The following DAB1 variants were observed in gnomAD, a reference collection of about 807,000 sequenced individuals.
The protein encoded by DAB1 is DAB adaptor protein 1, also known as disabled homolog 1.
A neutral mutation model predicts 64.6 loss-of-function variants in DAB1; 15 were observed. The ratio of observed to expected loss-of-function variants is 0.23; its 90% CI spans 0.16 to 0.36. The LOEUF is 0.36. DAB1 is among the 10% of genes least tolerant of loss of function. The probability of loss-of-function intolerance (pLI) is 1.00; values close to 1 mark genes in which losing one functional copy is unlikely to be tolerated. For synonymous variants in DAB1, 235 were observed against 251.9 expected, an observed-to-expected ratio of 0.93 and a Z score of 0.64; for missense variants, 596 against 706.7, an observed-to-expected ratio of 0.84 and a Z score of 1.78.
intron 3 of DAB1, among the ~76,000 whole-genome samples, chr1:58,361,412 A>G (rs999851131): frequency 6.6e-6 from 1 of 152,188 alleles, no homozygotes; most frequent in African/African-American, 2.4e-5. Flanking sequence ...CTATCATGCA[A>G]TGACCCACAT....
At chr1:58,542,094 T>C (rs1007742522) in intron 1 of DAB1, among the ~76,000 whole-genome samples, 1 of 152,250 alleles carries the variant, frequency 6.6e-6, no homozygotes, top group African/African-American at 2.4e-5. Context: ...AATTCATACA[T>C]CCTGCCCTTG....
intron 4 of DAB1, among the ~76,000 whole-genome samples, chr1:58,186,873 G>A (rs1292892665): frequency 6.6e-6 from 1 of 152,198 alleles, no homozygotes; most frequent in Non-Finnish European, 1.5e-5. Context: ...AGAGGACCAA[G>A]AGTACAACTG....
intron 4 of DAB1, among the ~76,000 whole-genome samples, chr1:58,244,976 C>T (rs1041097694): frequency 1.8e-4 from 28 of 152,154 alleles, no homozygotes; most frequent in African/African-American, 6.5e-4. Flanking sequence ...ACAAATTATC[C>T]CAACACCAAG....
At chr1:57,048,274 A>G (rs1648786256) in intron 9 of DAB1, among the ~76,000 whole-genome samples, 1 of 152,174 alleles carries the variant, frequency 6.6e-6, no homozygotes, top group Non-Finnish European at 1.5e-5. Context: ...CTCTATATCA[A>G]AGACAAAAGT....
At chr1:58,182,574 GC>G (rs1345891399) in intron 4 of DAB1, among the ~76,000 whole-genome samples, 1 of 151,810 alleles carries the variant, frequency 6.6e-6, no homozygotes, top group African/African-American at 2.4e-5. Flanking sequence ...CTGCTGTTGA[GC>G]CCCTTGAGTA....
intron 4 of DAB1, among the ~76,000 whole-genome samples, chr1:58,185,028 T>C (rs1478687207): frequency 1.3e-5 from 2 of 152,200 alleles, no homozygotes; most frequent in South Asian, 2.1e-4. Flanking sequence ...AGGTTCTTTA[T>C]TGCTTTCTCA....
At chr1:58,160,064 G>C (rs753420717) in intron 4 of DAB1, among the ~76,000 whole-genome samples, 6 of 151,974 alleles carry the variant, frequency 3.9e-5, no homozygotes, top group Non-Finnish European at 7.4e-5. Flanking sequence ...ACAAAAGTAA[G>C]CTATATTGCC....
At chr1:57,170,095 C>T (rs1661595878) in intron 2 of DAB1, among the ~76,000 whole-genome samples, 1 of 151,736 alleles carries the variant, frequency 6.6e-6, no homozygotes, top group Non-Finnish European at 1.5e-5. Context: ...ATCCCAGGTT[C>T]AAGCGATTCT....
intron 1 of DAB1, among the ~76,000 whole-genome samples, chr1:57,856,271 C>G (rs998080523): frequency 1.3e-5 from 2 of 152,110 alleles, no homozygotes; most frequent in Non-Finnish European, 2.9e-5. Context: ...CTCAGAGAAG[C>G]AGGATGCTTC....
chr1:57,674,898 T>A (rs555060005), intron 6 of DAB1, among the ~76,000 whole-genome samples: 8 of 152,286 alleles, frequency 5.3e-5, no homozygotes, highest in African/African-American at 1.9e-4. Flanking sequence ...AATCAGCAAA[T>A]AATCCATTGG....
intron 2 of DAB1, among the ~76,000 whole-genome samples, chr1:57,288,408 C>T (rs184810698): frequency 1.3e-5 from 2 of 152,140 alleles, no homozygotes; most frequent in East Asian, 3.9e-4. Context: ...ACCCCAGTGG[C>T]ATGGTGTTTG....
chr1:57,442,475 T>C (rs183900048), intron 7 of DAB1, among the ~76,000 whole-genome samples: 1 of 152,282 alleles, frequency 6.6e-6, no homozygotes, highest in African/African-American at 2.4e-5. Context: ...ATAGTGACCT[T>C]GGCCATGCCA....
intron 3 of DAB1, among the ~76,000 whole-genome samples, chr1:58,375,517 C>T (rs1253485256): frequency 3.5e-4 from 51 of 145,220 alleles, no homozygotes; most frequent in Non-Finnish European, 7.0e-4. Context: ...AGCCTTGCAT[C>T]CCAGGGATGA....
rs188835758 is a variant in DAB1 at position 57,332,119 on chromosome 1, A to G, written c.-136-40953T>C. 8.5e-3 allele frequency among the ~76,000 whole-genome samples: 1,295 copies of G among 152,210 alleles called. 13 individuals carry two copies. The highest frequency in any genetic ancestry group is 0.041 in the Middle Eastern group (12 of 292). On this transcript the variant is annotated intron_variant, in intron 1 of 14. Transcript: ENST00000371236. ...GCTGGGACTACAGGCCCACACCACC[A>G]TGCCTGGCTAATTTTTGTATTTTTA...
intron 3 of DAB1, among the ~76,000 whole-genome samples, chr1:58,393,965 T>C (rs1048699902): frequency 5.3e-5 from 8 of 152,160 alleles, no homozygotes; most frequent in Admixed American, 2.6e-4. Flanking sequence ...TTTCAAAACA[T>C]CATGTCATGC....
At chr1:58,219,552 T>C (rs572707927) in intron 4 of DAB1, among the ~76,000 whole-genome samples, 10 of 152,292 alleles carry the variant, frequency 6.6e-5, no homozygotes, top group African/African-American at 1.2e-4. Flanking sequence ...CTCTAAAGCA[T>C]TGGGCACTTT....
chr1:57,897,783 G>A (rs1019955843), intron 5 of DAB1, among the ~76,000 whole-genome samples: 1 of 152,148 alleles, frequency 6.6e-6, no homozygotes, highest in Non-Finnish European at 1.5e-5. Context: ...TAGTAACAGT[G>A]CAACCACTTC....
chr1:57,144,968 A>C (rs908358533), intron 3 of DAB1, among the ~76,000 whole-genome samples: 1 of 152,170 alleles, frequency 6.6e-6, no homozygotes, highest in Non-Finnish European at 1.5e-5. Context: ...AAAATTCATA[A>C]AATGTGGGTG....
upstream of DAB1, among the ~76,000 whole-genome samples, chr1:57,426,926 C>T (rs1222557453): frequency 1.3e-5 from 2 of 150,764 alleles, no homozygotes; most frequent in South Asian, 2.1e-4. Flanking sequence ...TGCAGTGGCG[C>T]GATCTCGGCT....
Sources: allele counts gnomAD v4.1 joint callset (sites outside exome capture counted in the v4.1 genomes callset), GRCh38; gene constraint gnomAD v4.1.1; transcripts MANE v1.5; gene names NCBI Gene and HGNC (gene_info 2026-07-23, HGNC 2026-07-21).